The following CADM2 variants were observed in gnomAD, a reference collection of about 807,000 sequenced individuals.
CADM2 encodes immunoglobulin superfamily member 4D.
In CADM2, 12 loss-of-function variants were observed where a neutral mutation model predicts 49.8. The ratio of observed to expected loss-of-function variants is 0.24; its 90% CI spans 0.15 to 0.39. CADM2 has a LOEUF of 0.39. Ranked by LOEUF, CADM2 falls within the 10% of genes least tolerant of loss-of-function variation. CADM2 has a pLI of 1.00. For missense variants in CADM2, 378 were observed against 492.3 expected, an observed-to-expected ratio of 0.77 and a Z score of 2.20; for synonymous variants, 214 against 175.4, an observed-to-expected ratio of 1.22 and a Z score of -1.74.
At chr3:85,786,660 G>T (rs999407407) in intron 2 of CADM2, among the ~76,000 whole-genome samples, 1 of 151,826 alleles carries the variant, frequency 6.6e-6, no homozygotes, top group African/African-American at 2.4e-5. Context: ...AATAATTAAG[G>T]TACTATCATT....
chr3:85,439,256 C>A (rs769464952), intron 1 of CADM2, among the ~76,000 whole-genome samples: 1 of 150,924 alleles, frequency 6.6e-6, no homozygotes, highest in African/African-American at 2.4e-5. Context: ...CAGGTTCATG[C>A]GATTCTCCTG....
chr3:85,391,398 A>G (rs991092323), intron 1 of CADM2, among the ~76,000 whole-genome samples: 1 of 152,060 alleles, frequency 6.6e-6, no homozygotes, highest in Admixed American at 6.5e-5. Context: ...GAGGTTATAG[A>G]TGTTTAAGGG....
chr3:85,835,245 C>T (rs1285964875), intron 3 of CADM2, among the ~76,000 whole-genome samples: 1 of 150,208 alleles, frequency 6.7e-6, no homozygotes, highest in African/African-American at 2.4e-5. Context: ...ATTTTGATAG[C>T]TTTTAAAAAG....
chr3:85,450,659 G>A (rs1027936180), intron 1 of CADM2, among the ~76,000 whole-genome samples: 4 of 151,720 alleles, frequency 2.6e-5, no homozygotes, highest in African/African-American at 9.7e-5. Flanking sequence ...GTGATTTTCA[G>A]AAAAGTATTA....
chr3:85,971,783 A>C (rs1726177859), intron 8 of CADM2, among the ~76,000 whole-genome samples: 1 of 151,708 alleles, frequency 6.6e-6, no homozygotes, highest in Non-Finnish European at 1.5e-5. Context: ...GTATTATAAA[A>C]GAAAAAATGC....
chr3:85,079,141 T>G (rs2037062528), intron 1 of CADM2, among the ~76,000 whole-genome samples: 1 of 151,832 alleles, frequency 6.6e-6, no homozygotes. Context: ...AAGTGATAAT[T>G]AATCTTTTTG....
At chr3:85,001,465 A>G (rs1576007576) in intron 1 of CADM2, among the ~76,000 whole-genome samples, 1 of 152,068 alleles carries the variant, frequency 6.6e-6, no homozygotes, top group Non-Finnish European at 1.5e-5. Flanking sequence ...ACAGTTTGCA[A>G]TAACTTAAAT....
At chr3:84,994,092 G>C (rs948937587) in intron 1 of CADM2, among the ~76,000 whole-genome samples, 1 of 151,544 alleles carries the variant, frequency 6.6e-6, no homozygotes, top group Non-Finnish European at 1.5e-5. Context: ...CCTTTTTTTT[G>C]TGCTCAGATA....
At chr3:85,658,621 T>TATAC in intron 1 of CADM2, among the ~76,000 whole-genome samples, 1 of 137,522 alleles carries the variant, frequency 7.3e-6, no homozygotes, top group South Asian at 2.4e-4. Context: ...TATATATACA[T>TATAC]GTATGCATAT....
At chr3:85,096,881 T>C (rs936314573) in intron 1 of CADM2, among the ~76,000 whole-genome samples, 5 of 152,182 alleles carry the variant, frequency 3.3e-5, no homozygotes, top group African/African-American at 9.6e-5. Context: ...TCAGAGAATT[T>C]GGACTGTCAA....
intron 1 of CADM2, among the ~76,000 whole-genome samples, chr3:85,000,187 C>T (rs2033392089): frequency 6.6e-6 from 1 of 150,860 alleles, no homozygotes; most frequent in Non-Finnish European, 1.5e-5. Flanking sequence ...AATCATAGCT[C>T]ACTGTAACCT....
At chr3:85,778,140 T>C (rs999999961) in intron 2 of CADM2, among the ~76,000 whole-genome samples, 2 of 152,092 alleles carry the variant, frequency 1.3e-5, no homozygotes, top group African/African-American at 4.8e-5. Context: ...GGAATAAAGA[T>C]AAAAGCAACA....
chr3:85,769,323 TA>T (rs1249370176), intron 2 of CADM2, among the ~76,000 whole-genome samples: 1 of 125,200 alleles, frequency 8.0e-6, no homozygotes, highest in African/African-American at 3.2e-5. Context: ...TATACATATA[TA>T]GTATATATAC....
Position 85,329,826 on chromosome 3 carries a change from C to A in CADM2, c.61+370158C>A, listed in dbSNP as rs542859289. 3.3e-5 allele frequency among the ~76,000 whole-genome samples: 5 copies of A among 151,892 alleles called. No individual in the cohort carries two copies. The South Asian group carries it at 1.0e-3, about 32-fold the overall frequency. The stretch of plus-strand genomic sequence containing the variant: ...TCCTCTCATGACTATTTTTTTGAGA[C>A]AACACATGACAATCTAAAAGTGACA... On this transcript the variant is annotated intron_variant, in intron 1 of 9. Coordinates refer to ENST00000383699, the MANE Select transcript of CADM2 (RefSeq NM_001167675.2).
chr3:85,302,544 T>G (rs1286532501), intron 1 of CADM2, among the ~76,000 whole-genome samples: 3 of 152,062 alleles, frequency 2.0e-5, no homozygotes, highest in African/African-American at 7.2e-5. Flanking sequence ...TATATGTGAA[T>G]TTTAATTTGT....
intron 3 of CADM2, among the ~76,000 whole-genome samples, chr3:85,854,779 T>C (rs750406523): frequency 2.2e-4 from 33 of 152,118 alleles, no homozygotes; most frequent in Non-Finnish European, 2.5e-4. Context: ...TAAAGTATAA[T>C]AAAACAAATT....
intron 1 of CADM2, among the ~76,000 whole-genome samples, chr3:85,428,001 T>C (rs183479984): frequency 1.0e-3 from 156 of 152,118 alleles, no homozygotes; most frequent in African/African-American, 3.7e-3. Flanking sequence ...GGCTTTTGCA[T>C]TATTTCAACC....
rs370388620 is a variant in CADM2 at position 85,047,746 on chromosome 3, A to T, written c.61+88078A>T. The stretch of plus-strand genomic sequence containing the variant: ...TGAACTCCTATATCCAATTCTTATA[A>T]ACTAGCTTACATAAAGTCACTCATA... On this transcript the variant is annotated intron_variant, in intron 1 of 9. Transcript: ENST00000383699. 4.6e-5 allele frequency among the ~76,000 whole-genome samples: 7 copies of T among 152,274 alleles called. No homozygotes were observed. The East Asian group carries it at 9.7e-4, about 21-fold the overall frequency.
At chr3:85,944,108 G>A (rs1241106863) in intron 7 of CADM2, among the ~76,000 whole-genome samples, 1 of 151,856 alleles carries the variant, frequency 6.6e-6, no homozygotes. Flanking sequence ...ACGAAAAATG[G>A]CAGGGTTGCA....
Sources: gnomAD v4.1 joint callset for allele counts (sites outside exome capture counted in the v4.1 genomes callset) on GRCh38, gnomAD v4.1.1 for gene constraint, MANE v1.5 for transcripts, NCBI Gene and HGNC (gene_info 2026-07-23, HGNC 2026-07-21) for gene names.